ZBTB20: variants seen among roughly 807,000 people sequenced by gnomAD.
The protein encoded by ZBTB20 is zinc finger and BTB domain containing 20.
ZBTB20 carries 9 observed loss-of-function variants against 56.9 expected under a neutral mutation model. That is an observed-to-expected ratio of 0.16 (90% CI 0.10 to 0.28). The LOEUF is 0.28. ZBTB20 is among the 10% of genes least tolerant of loss of function. The probability of loss-of-function intolerance (pLI) is 1.00; values close to 1 mark genes in which losing one functional copy is unlikely to be tolerated. For missense variants in ZBTB20, 655 were observed against 1,003.0 expected (o/e 0.65, Z 4.69); for synonymous variants, 417 against 420.7 (o/e 0.99, Z 0.11).
chr3:114,796,417 A>C (rs149217089), intron 5 of ZBTB20, among the ~76,000 whole-genome samples: 12 of 152,122 alleles, frequency 7.9e-5, no homozygotes, highest in Admixed American at 3.3e-4. Flanking sequence ...TGTCATGTAT[A>C]TTGATTAGGG....
intron 5 of ZBTB20, among the ~76,000 whole-genome samples, chr3:114,771,389 T>C (rs571796564): frequency 6.6e-6 from 1 of 152,196 alleles, no homozygotes; most frequent in African/African-American, 2.4e-5. Context: ...TTTATAAGCA[T>C]ATATTCAGGT....
chr3:115,031,472 C>T (rs1285334343), intron 2 of ZBTB20, among the ~76,000 whole-genome samples: 2 of 151,414 alleles, frequency 1.3e-5, no homozygotes, highest in Non-Finnish European at 3.0e-5. Context: ...TGTCAATTTA[C>T]CACCACATTG....
intron 2 of ZBTB20, among the ~76,000 whole-genome samples, chr3:114,998,636 T>G (rs2079121422): frequency 6.6e-6 from 1 of 151,714 alleles, no homozygotes; most frequent in Non-Finnish European, 1.5e-5. Context: ...AAGATGTAGA[T>G]TCAAAAGAAT....
chr3:115,008,605 G>A (rs1180799116), intron 2 of ZBTB20, among the ~76,000 whole-genome samples: 2 of 151,804 alleles, frequency 1.3e-5, no homozygotes, highest in Admixed American at 6.6e-5. Flanking sequence ...GTCCTAGAGA[G>A]GAAAGATAAA....
chr3:114,808,254 C>G (rs1221668350), intron 4 of ZBTB20, among the ~76,000 whole-genome samples: 1 of 151,958 alleles, frequency 6.6e-6, no homozygotes, highest in African/African-American at 2.4e-5. Flanking sequence ...CAGTTGCTAA[C>G]AATTGTCTAA....
intron 11 of ZBTB20, among the ~76,000 whole-genome samples, chr3:114,346,524 T>C (rs929492994): frequency 6.6e-6 from 1 of 152,070 alleles, no homozygotes; most frequent in Admixed American, 6.5e-5. Context: ...ATCCAAATCA[T>C]CTAATTACAG....
At chr3:114,831,549 T>C (rs1349387367) in intron 4 of ZBTB20, among the ~76,000 whole-genome samples, 1 of 152,052 alleles carries the variant, frequency 6.6e-6, no homozygotes, top group Non-Finnish European at 1.5e-5. Context: ...GCAATATTCA[T>C]ATAGCGCTTA....
At chr3:115,064,519 T>C (rs1374100135) in intron 2 of ZBTB20, among the ~76,000 whole-genome samples, 1 of 147,634 alleles carries the variant, frequency 6.8e-6, no homozygotes, top group Non-Finnish European at 1.5e-5. Context: ...TGGCAAAATC[T>C]TGGCTCACTG....
intron 6 of ZBTB20, among the ~76,000 whole-genome samples, chr3:114,540,557 T>C (rs2048996794): frequency 6.6e-6 from 1 of 152,134 alleles, no homozygotes; most frequent in South Asian, 2.1e-4. Flanking sequence ...TATTCCCTTA[T>C]CCCCAGTGCA....
At chr3:115,147,001 G>GGCGGGGCGGGGC (rs1373986928) in intron 1 of ZBTB20, among the ~76,000 whole-genome samples, 4 of 149,428 alleles carry the variant, frequency 2.7e-5, no homozygotes, top group Non-Finnish European at 4.5e-5. Flanking sequence ...GGCGGGGCGG[G>GGCGGGGCGGGGC]GCGGGGCGGG....
intron 10 of ZBTB20, among the ~76,000 whole-genome samples, chr3:114,356,340 TGAGCAA>T (rs1246454667): frequency 2.0e-5 from 3 of 152,104 alleles, no homozygotes; most frequent in South Asian, 2.1e-4. Context: ...CAAGAGAAAA[TGAGCAA>T]GAAAGGAAAC....
chr3:114,865,491 T>C (rs889948852), intron 4 of ZBTB20, among the ~76,000 whole-genome samples: 10 of 152,158 alleles, frequency 6.6e-5, no homozygotes, highest in Non-Finnish European at 1.3e-4. Flanking sequence ...AGAGGACTTA[T>C]GATTTTCACC....
At chr3:114,933,179 T>C (rs560754256) in intron 3 of ZBTB20, among the ~76,000 whole-genome samples, 133 of 152,350 alleles carry the variant, frequency 8.7e-4, no homozygotes, top group South Asian at 5.4e-3. Context: ...AATCTAAGCC[T>C]GGGCACCCCA....
intron 6 of ZBTB20, among the ~76,000 whole-genome samples, chr3:114,673,391 C>T (rs1380825017): frequency 1.3e-5 from 2 of 151,856 alleles, no homozygotes; most frequent in African/African-American, 4.8e-5. Context: ...GCCTTGAGCC[C>T]CTTGGAGGAA....
In ZBTB20 at chr3:114,324,909, T is replaced by C. The variant is rs1046550428; in HGVS notation, c.*14096A>G. 21 of 152,162 alleles carry C rather than the reference T, an allele frequency of 1.4e-4. No homozygotes were observed. The highest frequency in any genetic ancestry group is 1.1e-3 in the Admixed American group (17 of 15,256). The allele number at this position is 152,162 out of a possible 1,614,324, so 9.4% of individuals were successfully genotyped here. A position where few individuals can be genotyped will look rare whatever the true frequency, so the allele number is the denominator to read the frequency against. ...TTGTCTGCTCATACCCACACATGCA[T>C]GCTGTAAGTCTCAAGAGAATCAAAG... On this transcript the variant is annotated 3_prime_UTR_variant, in exon 12 of 12. Coordinates refer to ENST00000675478, the MANE Select transcript of ZBTB20 (RefSeq NM_001348800.3).
rs541177463 is a variant in ZBTB20, at chr3:114,712,495, T to TA, written c.-342-18921dup. ...GAGAAACCTCATCTCTACTAAAAAT[T>TA]AAAAAAAATTAGCCGGGTGTGGTGG... On this transcript the variant is annotated intron_variant, in intron 5 of 11. Coordinates refer to ENST00000675478, the MANE Select transcript of ZBTB20 (RefSeq NM_001348800.3). 1.1e-3 allele frequency among the ~76,000 whole-genome samples: 173 copies of TA among 150,874 alleles called. 3 individuals carry two copies. In the East Asian group the frequency reaches 0.024, roughly 21 times the overall value.
rs112113135 is a variant in ZBTB20, at chr3:114,526,020, C to T, written c.-294-25629G>A. Among the ~76,000 whole-genome samples, 4 of 152,300 alleles carry T rather than the reference C, an allele frequency of 2.6e-5. No homozygotes were observed. The South Asian group carries it at 6.2e-4, about 24-fold the overall frequency. On this transcript the variant is annotated intron_variant, in intron 6 of 11. Coordinates refer to ENST00000675478, the MANE Select transcript of ZBTB20 (RefSeq NM_001348800.3). ...ATATTCAAGGCATAGCTGCCAAGATCATCATCCTCCTTGATTGTTTGGAAT... is the reference window on the plus strand; with the variant it reads ...ATATTCAAGGCATAGCTGCCAAGATTATCATCCTCCTTGATTGTTTGGAAT...
chr3:115,040,685 G>A (rs1483748701), intron 2 of ZBTB20, among the ~76,000 whole-genome samples: 2 of 152,198 alleles, frequency 1.3e-5, no homozygotes, highest in East Asian at 1.9e-4. Flanking sequence ...AGGTGTTTGG[G>A]TTTAATCTTG....
chr3:114,489,558 A>G (rs2042505315), intron 7 of ZBTB20, among the ~76,000 whole-genome samples: 1 of 152,154 alleles, frequency 6.6e-6, no homozygotes, highest in South Asian at 2.1e-4. Flanking sequence ...AACTGTATAC[A>G]TGCAATGTAT....
Sources: gnomAD v4.1 joint callset for allele counts (sites outside exome capture counted in the v4.1 genomes callset) on GRCh38, gnomAD v4.1.1 for gene constraint, MANE v1.5 for transcripts, NCBI Gene and HGNC (gene_info 2026-07-23, HGNC 2026-07-21) for gene names.